The following CLSTN2 variants were observed in gnomAD, a reference collection of about 807,000 sequenced individuals.
CLSTN2 encodes calsyntenin-2.
A neutral mutation model predicts 101.2 loss-of-function variants in CLSTN2; 48 were observed. The ratio of observed to expected loss-of-function variants is 0.47; its 90% confidence interval spans 0.38 to 0.60. The LOEUF (loss-of-function observed/expected upper bound fraction) is 0.60. Ranked by LOEUF, CLSTN2 falls within the 20% of genes least tolerant of loss-of-function variation. CLSTN2 has a pLI of 0.00. For missense variants in CLSTN2, 1,160 were observed against 1,238.2 expected (o/e 0.94, Z 0.95); for synonymous variants, 481 against 463.6 (o/e 1.04, Z -0.48).
intron 1 of CLSTN2, among the ~76,000 whole-genome samples, chr3:140,146,096 G>T (rs1455065680): frequency 6.6e-6 from 1 of 152,184 alleles, no homozygotes; most frequent in Non-Finnish European, 1.5e-5. Context: ...CTCTGGTGAG[G>T]TATAATTTCC....
chr3:140,429,143 G>A (rs1321543720), intron 5 of CLSTN2, among the ~76,000 whole-genome samples: 1 of 152,162 alleles, frequency 6.6e-6, no homozygotes, highest in Non-Finnish European at 1.5e-5. Flanking sequence ...GTTGCTTTTA[G>A]TTATTGGCAT....
chr3:140,190,223 G>C (rs1006937381), intron 2 of CLSTN2, among the ~76,000 whole-genome samples: 2 of 152,020 alleles, frequency 1.3e-5, no homozygotes, highest in East Asian at 1.9e-4. Flanking sequence ...AACATAGCAG[G>C]CATGTTGTAT....
At chr3:140,527,450 G>A (rs916891269) in intron 8 of CLSTN2, among the ~76,000 whole-genome samples, 1 of 152,150 alleles carries the variant, frequency 6.6e-6, no homozygotes, top group Non-Finnish European at 1.5e-5. Flanking sequence ...AGGCTATGGA[G>A]AGAAAGGAAT....
chr3:140,203,029 C>A (rs548904022), intron 2 of CLSTN2, among the ~76,000 whole-genome samples: 1 of 152,290 alleles, frequency 6.6e-6, no homozygotes, highest in Non-Finnish European at 1.5e-5. Context: ...AATAGTGGAA[C>A]CCCAAGGTGG....
At chr3:140,172,135 G>A (rs547608740) in intron 1 of CLSTN2, among the ~76,000 whole-genome samples, 7 of 147,200 alleles carry the variant, frequency 4.8e-5, no homozygotes, top group Non-Finnish European at 7.4e-5. Context: ...GTTTGGCATC[G>A]GAACAATTTT....
intron 2 of CLSTN2, among the ~76,000 whole-genome samples, chr3:140,288,032 C>T (rs2086912063): frequency 6.7e-6 from 1 of 149,994 alleles, no homozygotes; most frequent in African/African-American, 2.4e-5. Context: ...TTTAGCTCAA[C>T]ATTTTTAACT....
At chr3:140,068,009 C>T (rs1260225012) in intron 1 of CLSTN2, among the ~76,000 whole-genome samples, 1 of 152,208 alleles carries the variant, frequency 6.6e-6, no homozygotes, top group Non-Finnish European at 1.5e-5. Flanking sequence ...ACACTATGGA[C>T]ACAGCTCTGT....
At chr3:140,388,933 G>T (rs2107969231) in intron 2 of CLSTN2, among the ~76,000 whole-genome samples, 1 of 151,652 alleles carries the variant, frequency 6.6e-6, no homozygotes, top group Non-Finnish European at 1.5e-5. Context: ...GTTAACTTTT[G>T]GCAAACTGTT....
chr3:140,247,658 G>T (rs142654486), intron 2 of CLSTN2, among the ~76,000 whole-genome samples: 1 of 152,132 alleles, frequency 6.6e-6, no homozygotes, highest in Non-Finnish European at 1.5e-5. Context: ...CTTCTGAAGG[G>T]GGTCACATTT....
intron 2 of CLSTN2, among the ~76,000 whole-genome samples, chr3:140,240,818 A>G (rs1363109501): frequency 1.3e-5 from 2 of 152,172 alleles, no homozygotes; most frequent in Non-Finnish European, 2.9e-5. Context: ...CAGCTGGGGT[A>G]AAAGAAGCAG....
intron 1 of CLSTN2, among the ~76,000 whole-genome samples, chr3:139,943,673 A>C (rs1313015814): frequency 2.0e-5 from 3 of 152,116 alleles, no homozygotes; most frequent in African/African-American, 7.2e-5. Context: ...GGGTGCTATC[A>C]CCATCTGGGG....
At chr3:139,977,484 G>A (rs1311205922) in intron 1 of CLSTN2, among the ~76,000 whole-genome samples, 1 of 144,546 alleles carries the variant, frequency 6.9e-6, no homozygotes, top group East Asian at 2.0e-4. Flanking sequence ...AGTAAAATAA[G>A]GGCATTAGCC....
intron 1 of CLSTN2, among the ~76,000 whole-genome samples, chr3:140,142,150 C>T (rs1490590679): frequency 6.6e-6 from 1 of 152,140 alleles, no homozygotes; most frequent in African/African-American, 2.4e-5. Flanking sequence ...GGTACACATT[C>T]TTCATTAAAC....
At chr3:140,491,509 C>T (rs1214796281) in intron 8 of CLSTN2, among the ~76,000 whole-genome samples, 1 of 152,192 alleles carries the variant, frequency 6.6e-6, no homozygotes, top group African/African-American at 2.4e-5. Context: ...AACATGACTT[C>T]ACAGTTGTAA....
chr3:140,221,152 T>A (rs1440655920), intron 2 of CLSTN2, among the ~76,000 whole-genome samples: 1 of 152,208 alleles, frequency 6.6e-6, no homozygotes, highest in African/African-American at 2.4e-5. Flanking sequence ...TTCCCCAGTA[T>A]AGACACAGCA....
chr3:140,349,578 T>C (rs1309133324), intron 2 of CLSTN2, among the ~76,000 whole-genome samples: 2 of 152,138 alleles, frequency 1.3e-5, no homozygotes, highest in Non-Finnish European at 2.9e-5. Flanking sequence ...ATCCAATCTA[T>C]GGCTGCAGTA....
intron 2 of CLSTN2, among the ~76,000 whole-genome samples, chr3:140,190,080 AG>A (rs920586150): frequency 6.6e-6 from 1 of 152,166 alleles, no homozygotes; most frequent in Non-Finnish European, 1.5e-5. Context: ...CTGTTTTATA[AG>A]GGACCTAATT....
intron 1 of CLSTN2, among the ~76,000 whole-genome samples, chr3:140,128,801 C>A (rs2009476231): frequency 6.6e-6 from 1 of 152,136 alleles, no homozygotes; most frequent in South Asian, 2.1e-4. Flanking sequence ...TCCATGTGGC[C>A]TCCAGGGCAC....
chr3:140,394,420 C>T (rs2088156756), intron 2 of CLSTN2, among the ~76,000 whole-genome samples: 1 of 152,140 alleles, frequency 6.6e-6, no homozygotes, highest in African/African-American at 2.4e-5. Context: ...TGACAGTGTC[C>T]AGAGGACAAG....
Sources: allele counts gnomAD v4.1 joint callset (sites outside exome capture counted in the v4.1 genomes callset), GRCh38; gene constraint gnomAD v4.1.1; transcripts MANE v1.5; gene names NCBI Gene and HGNC (gene_info 2026-07-23, HGNC 2026-07-21).